The following SH2B1 variants were observed in gnomAD, a reference collection of about 807,000 sequenced individuals.
SH2B1 encodes SH2B adapter protein 1.
A neutral mutation model predicts 62.6 loss-of-function variants in SH2B1; 15 were observed. The ratio of observed to expected loss-of-function variants is 0.24; its 90% CI spans 0.16 to 0.37. The LOEUF is 0.37. Among genes scored for constraint, SH2B1 ranks in the 10% least tolerant of loss-of-function variants. SH2B1 has a pLI of 1.00. For missense variants in SH2B1, 925 were observed against 1,015.6 expected, an observed-to-expected ratio of 0.91 and a Z score of 1.21; for synonymous variants, 443 against 438.0, an observed-to-expected ratio of 1.01 and a Z score of -0.14.
chr16:28,866,393 A>C lies in SH2B1; in HGVS notation c.299A>C (p.Glu100Ala). ...PILAPLSPGA[E>A]ISPHDLSLES... ...CTGGCTCCCCTGAGCCCTGGTGCGG[A>C]GATTTCGCCACATGACCTGTCCCTT... is the stretch of plus-strand genomic sequence containing the variant. Residue 100 changes from glutamate (E) to alanine (A), a missense_variant, in exon 1 of 8, where the codon GAG (glutamate) becomes GCG (alanine). Coordinates refer to ENST00000684370, the MANE Select transcript of SH2B1 (RefSeq NM_001387430.1). This position sits in a 1 kb window ranked among gnomAD's most constrained non-coding sequence, Gnocchi z 6.3. The C allele has an allele frequency of 6.2e-7, 1 of 1,613,610 alleles. No individual in the cohort carries two copies. The highest frequency in any genetic ancestry group is 8.5e-7 in the Non-Finnish European group (1 of 1,179,984).
At chr16:28,856,464 C>A (rs202011078) in intron 1 of SH2B1, among the ~76,000 whole-genome samples, 5 of 152,006 alleles carry the variant, frequency 3.3e-5, no homozygotes, top group East Asian at 1.9e-4. Flanking sequence ...GGTCACTGTA[C>A]CTTCTTGGCC....
chr16:28,852,760 ATATATATATT>A lies in SH2B1; in HGVS notation c.-301+5943_-301+5952del, dbSNP rs1289609427. On this transcript the variant is annotated intron_variant, in intron 1 of 10. Coordinates refer to the SH2B1 transcript ENST00000322610. ...CATATATATATTTACATATATATGT[ATATATATATT>A]TATATATATATTTACATATATATTT... Among the ~76,000 whole-genome samples, 6 of 17,262 alleles carry A rather than the reference ATATATATATT, an allele frequency of 3.5e-4. 1 individual carries two copies. Among genetic ancestry groups the A allele is most frequent in the South Asian group, 9.3e-3 (1 of 108 alleles). 11.3% of individuals were successfully genotyped at this position (17,262 alleles called of 152,430 possible).
chr16:28,853,048 ATATATGTACATATATATG>A (rs1962230264), intron 1 of SH2B1, among the ~76,000 whole-genome samples: 2 of 93,344 alleles, frequency 2.1e-5, no homozygotes, highest in African/African-American at 1.2e-4. Context: ...ATATATATTT[ATATATGTACATATATATG>A]TACATATATA....
Position 28,865,220 on chromosome 16 carries a change from G to A in SH2B1, c.-875G>A. 1 of 985,570 alleles carries A rather than the reference G, an allele frequency of 1.0e-6. No individual in the cohort carries two copies. Among genetic ancestry groups the A allele is most frequent in the Non-Finnish European group, 1.2e-6 (1 of 829,948 alleles). The allele number at this position is 985,570 out of a possible 1,614,324, so 61.1% of individuals were successfully genotyped here. On this transcript the variant is annotated 5_prime_UTR_variant, in exon 1 of 8. Coordinates refer to ENST00000684370, the MANE Select transcript of SH2B1 (RefSeq NM_001387430.1). ...CTGAGCCAACCCAGTTTCTCCTCTGGGGCCCCTGCGGCCTCTGGCCCCAGA... is the reference window on the plus strand; with the variant it reads ...CTGAGCCAACCCAGTTTCTCCTCTGAGGCCCCTGCGGCCTCTGGCCCCAGA...
intron 1 of SH2B1, among the ~76,000 whole-genome samples, chr16:28,853,522 C>CTTTT (rs543507752): frequency 7.9e-6 from 1 of 127,130 alleles, no homozygotes; most frequent in Non-Finnish European, 1.6e-5. Context: ...CCCACTTTTT[C>CTTTT]TTTTTTTTTT....
Position 28,867,335 on chromosome 16 carries a change from C to T in SH2B1, c.944C>T (p.Ser315Phe). 1.2e-6 allele frequency: 2 copies of T among 1,613,582 alleles called. No individual in the cohort carries two copies. Among genetic ancestry groups the T allele is most frequent in the Non-Finnish European group, 1.7e-6 (2 of 1,179,542 alleles). Residue 315 changes from serine to phenylalanine, a missense_variant, in exon 2 of 8, where the codon TCT becomes TTT. By Grantham distance (155) the Ser-to-Phe change is radical (BLOSUM62 -2). Coordinates refer to ENST00000684370, the MANE Select transcript of SH2B1 (RefSeq NM_001387430.1). ...TGTTTCTTTCTCCTGACTTAGGCCTCTCGGCCCCGACTCAGCATCCCCTGC... is the reference window on the plus strand; with the variant it reads ...TGTTTCTTTCTCCTGACTTAGGCCTTTCGGCCCCGACTCAGCATCCCCTGC... ...RLEFFVPPKA[S>F]RPRLSIPCSS...
Position 28,852,580 on chromosome 16 carries a change from TTA to T in SH2B1, c.-301+5762_-301+5763del, listed in dbSNP as rs1213296044. ...TATTTATATATATACACATATATATTTATATATATACACATATATATTTATAT... is the reference window on the plus strand; with the variant it reads ...TATTTATATATATACACATATATATTTATATATACACATATATATTTATAT... On this transcript the variant is annotated intron_variant, in intron 1 of 10. Coordinates refer to the SH2B1 transcript ENST00000322610. Among the ~76,000 whole-genome samples the T allele has an allele frequency of 1.5e-3, 47 of 31,300 alleles. 10 individuals carry two copies. The highest frequency in any genetic ancestry group is 1.6e-3 in the Non-Finnish European group (33 of 21,052). 20.5% of individuals were successfully genotyped at this position (31,300 alleles called of 152,430 possible). A position where few individuals can be genotyped will look rare whatever the true frequency, so the allele number is the denominator to read the frequency against.
chr16:28,848,979 A>C (rs549435749), intron 1 of SH2B1, among the ~76,000 whole-genome samples: 1 of 151,690 alleles, frequency 6.6e-6, no homozygotes, highest in Non-Finnish European at 1.5e-5. Context: ...GCCAGACTGT[A>C]CTATAATTTA....
upstream of SH2B1, chr16:28,862,953 G>A (rs1962498844): frequency 7.1e-6 from 1 of 140,088 alleles, no homozygotes; most frequent in South Asian, 2.3e-4. Flanking sequence ...TTTTAAAATA[G>A]GGATTCTAGT....
intron 4 of SH2B1, among the ~76,000 whole-genome samples, chr16:28,871,074 G>A (rs746700761): frequency 3.3e-5 from 5 of 151,954 alleles, no homozygotes; most frequent in Admixed American, 1.3e-4. Context: ...CTGCAGTGCA[G>A]TGAAACAATC....
rs1555510175 is a variant in SH2B1 at position 28,853,079 on chromosome 16, T to TATAC, written c.-301+6255_-301+6256insCATA. On this transcript the variant is annotated intron_variant, in intron 1 of 10. Coordinates refer to the SH2B1 transcript ENST00000322610. ...GTACATATATATGTACATATATATT[T>TATAC]ATATATATTTATACATATATATTTA... Among the ~76,000 whole-genome samples the TATAC allele has an allele frequency of 5.9e-4, 70 of 118,842 alleles. 2 individuals are homozygous for TATAC. The highest frequency in any genetic ancestry group is 2.3e-3 in the African/African-American group (67 of 29,164). The allele number at this position is 118,842 out of a possible 152,430, so 78.0% of individuals were successfully genotyped here.
chr16:28,863,723 T>C (rs2152169651), upstream of SH2B1: 1 of 1,535,492 alleles, frequency 6.5e-7, no homozygotes, highest in South Asian at 1.2e-5. Flanking sequence ...TTCGGTCTCC[T>C]GGGGTCGGCG....
Position 28,869,078 on chromosome 16 carries a change from C to G in SH2B1, c.1114C>G (p.Gln372Glu). Residue 372 changes from glutamine (Q) to glutamate (E), a missense_variant, in exon 3 of 8, where the codon CAA becomes GAA. Around this residue, in one of 3 missense-constraint regions of SH2B1, gnomAD observed 683 missense variants for 704.0 expected, o/e 0.97. Coordinates refer to ENST00000684370, the MANE Select transcript of SH2B1 (RefSeq NM_001387430.1). ...QHVKAWVSDI[Q>E]ECLSPGPCPA... ...TGTGAAGGCCTGGGTGTCTGACATC[C>G]AAGAATGCCTGAGCCCAGGGTGAGA... The G allele has an allele frequency of 6.2e-7, 1 of 1,614,118 alleles. No individual in the cohort carries two copies. The highest frequency in any genetic ancestry group is 8.5e-7 in the Non-Finnish European group (1 of 1,180,000).
At position 28,871,800 on chromosome 16, in the gene SH2B1, G is replaced by A. The variant is rs907878994; in HGVS notation, c.1330G>A (p.Asp444Asn). Residue 444 changes from aspartate (D) to asparagine (N), a missense_variant, in exon 5 of 8, where the codon GAC becomes AAC. By Grantham distance (23) the Asp-to-Asn change is conservative. Around this residue, in one of 3 missense-constraint regions of SH2B1, gnomAD observed 683 missense variants for 704.0 expected, o/e 0.97. Transcript: ENST00000684370. ...TCCAGGGGCATATGGGGGCCTCTCAGACCGCCCCTCGGCATCCATCTCCCC... is the reference window on the plus strand; with the variant it reads ...TCCAGGGGCATATGGGGGCCTCTCAAACCGCCCCTCGGCATCCATCTCCCC... ...LSQGAYGGLS[D>N]RPSASISPSS... 7 of 1,613,848 alleles carry A rather than the reference G, an allele frequency of 4.3e-6. No homozygotes were observed. The African/African-American group carries it at 8.0e-5, about 18-fold the overall frequency.
Position 28,866,597 on chromosome 16 carries a change from G to C in SH2B1, c.503G>C (p.Gly168Ala). Reference protein sequence around the residue: ...VGRSVRGSVRGILQWRGTVDP... With the variant: ...VGRSVRGSVRAILQWRGTVDP... ...CGCTCTGTCCGAGGCTCAGTCCGTG[G>C]CATCCTGCAGTGGCGGGGGACCGTT... The change falls in exon 1 of 8, where the codon GGC becomes GCC. Residue 168 changes from glycine to alanine, a missense_variant. Transcript: ENST00000684370. This position sits in a 1 kb window ranked among gnomAD's most constrained non-coding sequence, Gnocchi z 6.3. 6.2e-7 allele frequency: 1 copy of C among 1,613,974 alleles called. No individual in the cohort carries two copies. Among genetic ancestry groups the C allele is most frequent in the Non-Finnish European group, 8.5e-7 (1 of 1,180,018 alleles).
intron 1 of SH2B1, among the ~76,000 whole-genome samples, chr16:28,857,374 G>A (rs62037364): frequency 0.34 from 49,352 of 145,580 alleles, 9,172 homozygotes; most frequent in Admixed American, 0.4. Flanking sequence ...ATCAGGTTCA[G>A]CAGTTCACAA....
intron 1 of SH2B1, among the ~76,000 whole-genome samples, chr16:28,852,734 A>T (rs950656571): frequency 1.7e-5 from 1 of 58,486 alleles, no homozygotes; most frequent in African/African-American, 9.0e-5. Flanking sequence ...TTATATATAT[A>T]CATATATATA....
Position 28,865,296 on chromosome 16 carries a change from G to T in SH2B1, c.-799G>T. On this transcript the variant is annotated 5_prime_UTR_variant, in exon 1 of 8. Coordinates refer to ENST00000684370, the MANE Select transcript of SH2B1 (RefSeq NM_001387430.1). ...TGTAGCTATTTCACATCTCCTTCAC[G>T]CAGTGCGTGGGTGCTGGACTCTGGG... 1 of 985,682 alleles carries T rather than the reference G, an allele frequency of 1.0e-6. No individual in the cohort carries two copies. The highest frequency in any genetic ancestry group is 1.2e-6 in the Non-Finnish European group (1 of 829,986). The allele number at this position is 985,682 out of a possible 1,614,324, so 61.1% of individuals were successfully genotyped here.
chr16:28,866,659 T>G lies in SH2B1; in HGVS notation c.565T>G (p.Ser189Ala). ...CTCCGCTGGGCCCCTGGAGACCTCG[T>G]CAGGCCCCCCAGTCTTAGGTGGAAA... ...PSSAGPLETS[S>A]GPPVLGGNSN... Residue 189 changes from serine (S) to alanine (A), a missense_variant, in exon 1 of 8, where the codon TCA (serine) becomes GCA (alanine). Around this residue, in one of 3 missense-constraint regions of SH2B1, gnomAD observed 683 missense variants for 704.0 expected, o/e 0.97. Coordinates refer to ENST00000684370, the MANE Select transcript of SH2B1 (RefSeq NM_001387430.1). The surrounding 1 kb of genome is among the most constrained non-coding windows in gnomAD (Gnocchi z 6.3). 6.2e-7 allele frequency: 1 copy of G among 1,611,324 alleles called. No homozygotes were observed. The highest frequency in any genetic ancestry group is 1.7e-5 in the Admixed American group (1 of 59,744).
Sources: gnomAD v4.1 joint callset for allele counts (sites outside exome capture counted in the v4.1 genomes callset) on GRCh38, gnomAD v4.1.1 for gene constraint, gnomAD v4.1.1 regional missense constraint, Gnocchi (gnomAD v3.1) non-coding constraint, MANE v1.5 for transcripts, NCBI Gene and HGNC (gene_info 2026-07-23, HGNC 2026-07-21) for gene names.